The following AGFG2 variants were observed in gnomAD, a reference collection of about 807,000 sequenced individuals.
AGFG2 encodes the protein arf-GAP domain and FG repeat-containing protein 2.
Under a neutral mutation model 48.0 loss-of-function variants are expected in AGFG2, and 31 were observed. That is an observed-to-expected ratio of 0.65 (90% CI 0.49 to 0.87). The LOEUF is 0.87. AGFG2 is among the 40% of genes least tolerant of loss of function. The pLI, the probability that AGFG2 is intolerant of heterozygous loss-of-function variation, is 0.00. For synonymous variants in AGFG2, 229 were observed against 260.8 expected, an observed-to-expected ratio of 0.88 and a Z score of 1.18; for missense variants, 599 against 632.6, an observed-to-expected ratio of 0.95 and a Z score of 0.57.
At chr7:100,555,917 A>G in intron 6 of AGFG2, 182 bp downstream of exon 6, 1 of 761,356 alleles carries the variant, frequency 1.3e-6, no homozygotes, top group South Asian at 2.5e-5. Flanking sequence ...AGGGGGCTCT[A>G]CTGTTCTGCT....
intron 1 of AGFG2, among the ~76,000 whole-genome samples, chr7:100,545,134 C>T (rs1030791518): frequency 2.6e-5 from 4 of 152,248 alleles, no homozygotes; most frequent in African/African-American, 9.6e-5. Flanking sequence ...GTGTATGAAT[C>T]TGAACACAAT....
chr7:100,560,342 C>T (rs1800840431), intron 6 of AGFG2, among the ~76,000 whole-genome samples: 1 of 152,208 alleles, frequency 6.6e-6, no homozygotes, highest in Non-Finnish European at 1.5e-5. Context: ...CCACGCCCAG[C>T]TTATTTTTGT....
chr7:100,539,374 G>C lies in AGFG2; in HGVS notation c.28G>C (p.Gly10Arg). 3.1e-6 allele frequency: 4 copies of C among 1,284,596 alleles called. No homozygotes were observed. The highest frequency in any genetic ancestry group is 4.0e-6 in the Non-Finnish European group (4 of 1,012,124). 79.6% of individuals were successfully genotyped at this position (1,284,596 alleles called of 1,614,324 possible). MVMAAKKGPGPGGGVSGGKA... is the reference protein window; with the variant it reads MVMAAKKGPRPGGGVSGGKA... ...GGTGATGGCGGCGAAGAAGGGCCCG[G>C]GCCCGGGCGGCGGGGTCAGCGGGGG... Residue 10 changes from glycine to arginine, a missense_variant, in exon 1 of 12, where the codon GGC (glycine) becomes CGC (arginine). Physicochemically the swap from Gly to Arg is moderately radical, Grantham distance 125. Transcript: ENST00000300176.
At chr7:100,551,817 G>A (rs1457289507) in intron 3 of AGFG2, among the ~76,000 whole-genome samples, 1 of 148,312 alleles carries the variant, frequency 6.7e-6, no homozygotes, top group Non-Finnish European at 1.5e-5. Context: ...AACCCAGGAG[G>A]CGGAGGTTGC....
chr7:100,555,706 C>T lies in AGFG2; in HGVS notation c.848C>T (p.Ala283Val), dbSNP rs763561479. 2 of 1,614,154 alleles carry T rather than the reference C, an allele frequency of 1.2e-6. No homozygotes were observed. Among genetic ancestry groups the T allele is most frequent in the South Asian group, 1.1e-5 (1 of 91,086 alleles). Reference sequence around the variant, plus strand: ...GGAAGCCTCCCTCCAGCTGGTCAAGCCTCGTTCCAGGCCCAGCCAACTCCT... The same window carrying T: ...GGAAGCCTCCCTCCAGCTGGTCAAGTCTCGTTCCAGGCCCAGCCAACTCCT... ...VFGSLPPAGQ[A>V]SFQAQPTPAG... is the part of the protein sequence containing the mutation. Residue 283 changes from alanine (A) to valine (V), a missense_variant, in exon 6 of 12, where the codon GCC becomes GTC. Physicochemically the swap from Ala to Val is moderately conservative, Grantham distance 64. Transcript: ENST00000300176.
intron 11 of AGFG2, among the ~76,000 whole-genome samples, chr7:100,564,700 TC>T (rs1194106050): frequency 1.3e-5 from 2 of 152,068 alleles, no homozygotes; most frequent in Non-Finnish European, 2.9e-5. Flanking sequence ...GATAGGGTTT[TC>T]CCGTGTTGGC....
At position 100,555,631 on chromosome 7, in the gene AGFG2, G is replaced by T. The variant is rs753796644; in HGVS notation, c.773G>T (p.Gly258Val). ...AFGGQTPSQG[G>V]FANFDAFSSG... is the part of the protein sequence containing the mutation. ...ACAGGCCAGACACCTTCCCAAGGAG[G>T]CTTTGCCAACTTTGATGCCTTTAGC... The change falls in exon 6 of 12, where the codon GGC becomes GTC. Residue 258 changes from glycine (G) to valine (V), a missense_variant. Physicochemically the swap from Gly to Val is moderately radical, Grantham distance 109. Coordinates refer to ENST00000300176, the MANE Select transcript of AGFG2 (RefSeq NM_006076.5). The T allele has an allele frequency of 6.2e-7, 1 of 1,613,882 alleles. No individual in the cohort carries two copies. Among genetic ancestry groups the T allele is most frequent in the East Asian group, 2.2e-5 (1 of 44,866 alleles).
intron 6 of AGFG2, among the ~76,000 whole-genome samples, chr7:100,557,022 A>T (rs1416779141): frequency 6.6e-6 from 1 of 152,064 alleles, no homozygotes; most frequent in African/African-American, 2.4e-5. Context: ...ACATGGTGAA[A>T]CACCGTCTCT....
intron 6 of AGFG2, 173 bp downstream of exon 6, chr7:100,555,908 G>T: frequency 1.1e-6 from 1 of 872,244 alleles, no homozygotes; most frequent in Non-Finnish European, 1.7e-6. Context: ...GTCAGGGAGA[G>T]GGGGCTCTAC....
chr7:100,549,519 CCTTTTT>C (rs1800581309), intron 2 of AGFG2, among the ~76,000 whole-genome samples: 1 of 152,136 alleles, frequency 6.6e-6, no homozygotes, highest in Non-Finnish European at 1.5e-5. Context: ...CCTCTATTTT[CCTTTTT>C]CAATACATGT....
rs368025573 is a variant in AGFG2 at position 100,567,314 on chromosome 7, A to G, written c.*2323A>G. 1.3e-5 allele frequency: 2 copies of G among 152,778 alleles called. No individual in the cohort carries two copies. Among genetic ancestry groups the G allele is most frequent in the Admixed American group, 1.3e-4 (2 of 15,284 alleles). 9.5% of individuals were successfully genotyped at this position (152,778 alleles called of 1,614,324 possible). ...AGAATGGAGAAAGGCCTGGCTTGAG[A>G]GGAAATGGAGAAAACATTGCCTGGT... On this transcript the variant is annotated 3_prime_UTR_variant, in exon 12 of 12. Coordinates refer to ENST00000300176, the MANE Select transcript of AGFG2 (RefSeq NM_006076.5).
In AGFG2 at chr7:100,564,319, G is replaced by A. The variant is rs1221330106; in HGVS notation, c.1386+16G>A. The A allele has an allele frequency of 6.2e-7, 1 of 1,609,216 alleles. No homozygotes were observed. Among genetic ancestry groups the A allele is most frequent in the East Asian group, 2.2e-5 (1 of 44,754 alleles). On this transcript the variant is annotated intron_variant, in intron 11 of 11. Transcript: ENST00000300176. ...CCCCTTCATGGTGAGTGTGCCAGCA[G>A]GGGTGCTGTGGTAGGGCTCGTGGGC...
chr7:100,559,723 T>C (rs1800824432), intron 6 of AGFG2, among the ~76,000 whole-genome samples: 1 of 148,252 alleles, frequency 6.7e-6, no homozygotes, highest in African/African-American at 2.5e-5. Context: ...GAGGCTAAGG[T>C]GGGAGAATCA....
At chr7:100,564,418 G>C in intron 11 of AGFG2, 115 bp downstream of exon 11, 1 of 1,125,958 alleles carries the variant, frequency 8.9e-7, no homozygotes, top group Non-Finnish European at 1.3e-6. Context: ...GTGAAGGTCT[G>C]CGTTGTCCAA....
At chr7:100,552,340 G>A (rs1584385381) in intron 3 of AGFG2, among the ~76,000 whole-genome samples, 1 of 152,156 alleles carries the variant, frequency 6.6e-6, no homozygotes, top group East Asian at 1.9e-4. Flanking sequence ...ACCTAGAGAT[G>A]ATTTAAAGTA....
chr7:100,558,553 T>A (rs1385300346), intron 6 of AGFG2, among the ~76,000 whole-genome samples: 1 of 151,544 alleles, frequency 6.6e-6, no homozygotes, highest in Non-Finnish European at 1.5e-5. Context: ...TTGTTTTTTT[T>A]TTTTTTTAGA....
intron 6 of AGFG2, chr7:100,556,567 C>T (rs200180787): frequency 2.5e-4 from 324 of 1,288,172 alleles, no homozygotes; most frequent in Non-Finnish European, 3.0e-4. Flanking sequence ...CTCTACCCAC[C>T]CTTCTCTTCT....
chr7:100,560,083 G>A (rs1176586573), intron 6 of AGFG2, among the ~76,000 whole-genome samples: 4 of 152,140 alleles, frequency 2.6e-5, no homozygotes, highest in Admixed American at 6.5e-5. Flanking sequence ...AAAGGGAGCC[G>A]TGCTTGCGTG....
Position 100,539,354 on chromosome 7 carries a change from TGGCGGC to T in AGFG2, c.10_15del (p.Ala4_Ala5del), listed in dbSNP as rs757477503. Reference sequence around the variant, plus strand: ...GGGAGGGAGTGGGCAGCGATGGTGATGGCGGCGAAGAAGGGCCCGGGCCCGGGCGGC... The same window carrying T: ...GGGAGGGAGTGGGCAGCGATGGTGATGAAGAAGGGCCCGGGCCCGGGCGGC... On this transcript the variant is annotated inframe_deletion, in exon 1 of 12. Transcript: ENST00000300176. The T allele has an allele frequency of 3.9e-5, 49 of 1,265,264 alleles. No homozygotes were observed. Among genetic ancestry groups the T allele is most frequent in the African/African-American group, 4.7e-5 (3 of 63,602 alleles). The allele number at this position is 1,265,264 out of a possible 1,614,324, so 78.4% of individuals were successfully genotyped here.
Sources: gnomAD v4.1 joint callset for allele counts (sites outside exome capture counted in the v4.1 genomes callset) on GRCh38, gnomAD v4.1.1 for gene constraint, MANE v1.5 for transcripts, NCBI Gene and HGNC (gene_info 2026-07-23, HGNC 2026-07-21) for gene names.